The following SYT9 variants were observed in gnomAD, a reference collection of about 807,000 sequenced individuals.
SYT9 encodes synaptotagmin-9.
Under a neutral mutation model 48.4 loss-of-function variants are expected in SYT9, and 22 were observed. The observed-to-expected ratio is 0.45, with a 90% CI of 0.32 to 0.65. SYT9 has a LOEUF of 0.65. Among genes scored for constraint, SYT9 ranks in the 30% least tolerant of loss-of-function variants. SYT9 has a pLI of 0.03. For missense variants in SYT9, 577 were observed against 622.0 expected (o/e 0.93, Z 0.77); for synonymous variants, 265 against 245.0 (o/e 1.08, Z -0.76).
intron 1 of SYT9, among the ~76,000 whole-genome samples, chr11:7,264,404 T>C (rs1465756894): frequency 1.3e-5 from 2 of 151,986 alleles, no homozygotes; most frequent in Non-Finnish European, 1.5e-5. Flanking sequence ...AGAGGGAAGT[T>C]TGTGTTTAAG....
chr11:7,245,580 A>T (rs755092056), intron 1 of SYT9, among the ~76,000 whole-genome samples: 5 of 152,178 alleles, frequency 3.3e-5, no homozygotes, highest in African/African-American at 2.4e-5. Flanking sequence ...GTAACAGGAT[A>T]CCTGAGATTA....
At chr11:7,257,334 C>T (rs1847991517) in intron 1 of SYT9, among the ~76,000 whole-genome samples, 1 of 152,052 alleles carries the variant, frequency 6.6e-6, no homozygotes, top group South Asian at 2.1e-4. Flanking sequence ...TTTAAGGGCT[C>T]ATTGAACATA....
At chr11:7,407,043 T>G (rs1249237238) in intron 3 of SYT9, among the ~76,000 whole-genome samples, 2 of 152,154 alleles carry the variant, frequency 1.3e-5, no homozygotes, top group Admixed American at 1.3e-4. Context: ...TTAATGATAT[T>G]ATTTGGGTTT....
At chr11:7,326,587 A>G (rs978301735) in intron 3 of SYT9, among the ~76,000 whole-genome samples, 1 of 150,876 alleles carries the variant, frequency 6.6e-6, no homozygotes, top group African/African-American at 2.4e-5. Context: ...GTTCATATGG[A>G]ACCAAAAAAG....
intron 3 of SYT9, among the ~76,000 whole-genome samples, chr11:7,325,881 T>C (rs200052269): frequency 1.8e-3 from 118 of 63,966 alleles, no homozygotes; most frequent in Middle Eastern, 8.2e-3. Context: ...CATGTGGTTT[T>C]TGTCCTTGGC....
rs533918784 is a variant in SYT9 at position 7,426,550 on chromosome 11, G to T, written c.1467+5915G>T. Among the ~76,000 whole-genome samples, 24 of 152,258 alleles carry T rather than the reference G, an allele frequency of 1.6e-4. No homozygotes were observed. The South Asian group carries it at 5.0e-3, about 32-fold the overall frequency. Reference sequence around the variant, plus strand: ...CCACAGGAGACTCAGTGCCATCACAGGCATCTTCTTCATGCCTATAAAGTT... The same window carrying T: ...CCACAGGAGACTCAGTGCCATCACATGCATCTTCTTCATGCCTATAAAGTT... On this transcript the variant is annotated intron_variant, in intron 6 of 6. Transcript: ENST00000318881.
At chr11:7,250,218 T>A (rs574716892), upstream of SYT9, among the ~76,000 whole-genome samples, 1 of 152,244 alleles carries the variant, frequency 6.6e-6, no homozygotes, top group East Asian at 1.9e-4. Context: ...TTCCATTGGT[T>A]GCAATCTTGT....
At chr11:7,381,139 A>C (rs16925527) in intron 3 of SYT9, among the ~76,000 whole-genome samples, 21,395 of 152,160 alleles carry the variant, frequency 0.14, 1,957 homozygotes, top group African/African-American at 0.25. Flanking sequence ...CATCTGGTCT[A>C]AATCTATCCA....
chr11:7,271,106 G>C (rs959314869), intron 1 of SYT9, among the ~76,000 whole-genome samples: 3 of 152,012 alleles, frequency 2.0e-5, no homozygotes, highest in Non-Finnish European at 2.9e-5. Context: ...AATGTTAACT[G>C]TCATGACAAA....
At chr11:7,344,149 A>C (rs1210076873) in intron 3 of SYT9, among the ~76,000 whole-genome samples, 2 of 152,144 alleles carry the variant, frequency 1.3e-5, no homozygotes, top group Non-Finnish European at 2.9e-5. Flanking sequence ...TCCACACTTG[A>C]TTATTTCCTT....
intron 1 of SYT9, among the ~76,000 whole-genome samples, chr11:7,284,841 A>C (rs1215704683): frequency 6.6e-6 from 1 of 151,942 alleles, no homozygotes; most frequent in East Asian, 1.9e-4. Flanking sequence ...TTATTGCTTT[A>C]TCTCTCTTTG....
intron 3 of SYT9, among the ~76,000 whole-genome samples, chr11:7,391,519 T>A (rs574447724): frequency 6.6e-6 from 1 of 151,964 alleles, no homozygotes; most frequent in African/African-American, 2.4e-5. Flanking sequence ...TGAGAGAGTA[T>A]CTCATTGTGG....
At chr11:7,432,950 G>A (rs12290561) in intron 6 of SYT9, among the ~76,000 whole-genome samples, 11,121 of 151,954 alleles carry the variant, frequency 0.073, 609 homozygotes, top group Non-Finnish European at 0.12. Flanking sequence ...GGCTGGGGTG[G>A]AATTATATAG....
chr11:7,318,626 A>G (rs1849283006), intron 3 of SYT9, among the ~76,000 whole-genome samples: 1 of 152,072 alleles, frequency 6.6e-6, no homozygotes, highest in South Asian at 2.1e-4. Flanking sequence ...AGCTATGTAT[A>G]TTTTGTGGAT....
At chr11:7,396,138 G>C (rs998617646) in intron 3 of SYT9, among the ~76,000 whole-genome samples, 2 of 151,950 alleles carry the variant, frequency 1.3e-5, no homozygotes, top group African/African-American at 4.8e-5. Flanking sequence ...TATAAGTTTT[G>C]TCCCATACTT....
chr11:7,363,606 A>G lies in SYT9; in HGVS notation c.1044+49665A>G, dbSNP rs558868129. On this transcript the variant is annotated intron_variant, in intron 3 of 6. Transcript: ENST00000318881. ...CCTTTTAGATGGGTGAAGAGAAAGC[A>G]GTGCCTGGTCCCAAGCCCTGAAAAC... Among the ~76,000 whole-genome samples the G allele has an allele frequency of 4.6e-5, 7 of 152,220 alleles. No homozygotes were observed. In the East Asian group the frequency reaches 1.2e-3, roughly 25 times the overall value.
At chr11:7,349,991 G>A (rs1483633961) in intron 3 of SYT9, among the ~76,000 whole-genome samples, 11 of 152,168 alleles carry the variant, frequency 7.2e-5, no homozygotes. Context: ...CTGGCATTCT[G>A]CTGCTTTCAT....
chr11:7,383,640 T>C (rs1206079911), intron 3 of SYT9, among the ~76,000 whole-genome samples: 1 of 151,164 alleles, frequency 6.6e-6, no homozygotes, highest in African/African-American at 2.4e-5. Context: ...AGCTACGTCA[T>C]GTTCAGTATT....
At chr11:7,388,555 A>G (rs1217297183) in intron 3 of SYT9, among the ~76,000 whole-genome samples, 1 of 152,062 alleles carries the variant, frequency 6.6e-6, no homozygotes, top group Non-Finnish European at 1.5e-5. Flanking sequence ...CTAGTTCTTT[A>G]GATAAATGAT....
Sources: allele counts gnomAD v4.1 joint callset (sites outside exome capture counted in the v4.1 genomes callset), GRCh38; gene constraint gnomAD v4.1.1; transcripts MANE v1.5; gene names NCBI Gene and HGNC (gene_info 2026-07-23, HGNC 2026-07-21).